GPATCH8: variants seen among roughly 807,000 people sequenced by gnomAD.
The protein encoded by GPATCH8 is G patch domain-containing protein 8.
In GPATCH8, 18 loss-of-function variants were observed where a neutral mutation model predicts 118.3. That is an observed-to-expected ratio of 0.15 (90% confidence interval 0.11 to 0.23). The LOEUF (loss-of-function observed/expected upper bound fraction) is 0.23, where lower values mean the gene tolerates loss of function less well. Ranked by LOEUF, GPATCH8 falls within the 10% of genes least tolerant of loss-of-function variation. The pLI is 1.00. For missense variants in GPATCH8, 1,631 were observed against 1,873.8 expected (o/e 0.87, Z 2.39); for synonymous variants, 659 against 684.7 (o/e 0.96, Z 0.59).
chr17:44,450,005 G>A (rs2051055563), intron 3 of GPATCH8, among the ~76,000 whole-genome samples: 1 of 152,134 alleles, frequency 6.6e-6, no homozygotes, highest in South Asian at 2.1e-4. Context: ...TCTATATACT[G>A]GAGAGAGAAA....
At chr17:44,429,649 A>AACACACACACACACAC (rs144232073) in intron 5 of GPATCH8, among the ~76,000 whole-genome samples, 8,463 of 125,466 alleles carry the variant, frequency 0.067, 433 homozygotes, top group Middle Eastern at 0.11. Flanking sequence ...GTCTCTACTA[A>AACACACACACACACAC]ACACACACAC....
chr17:44,395,408 C>A lies in GPATCH8; in HGVS notation c.*2160G>T, dbSNP rs935177722. The A allele has an allele frequency of 5.1e-5, 23 of 452,814 alleles. No individual in the cohort carries two copies. The highest frequency in any genetic ancestry group is 1.4e-3 in the Middle Eastern group (2 of 1,462). 28.0% of individuals were successfully genotyped at this position (452,814 alleles called of 1,614,324 possible). On this transcript the variant is annotated 3_prime_UTR_variant, in exon 8 of 8. Coordinates refer to ENST00000591680, the MANE Select transcript of GPATCH8 (RefSeq NM_001002909.4). ...TAAGTAAGGTTTATTTTTATTTTTA[C>A]TTTTAAAATCACTATTCTGGAAGTT...
chr17:44,403,262 G>C (rs1300394076), intron 7 of GPATCH8, among the ~76,000 whole-genome samples: 1 of 152,084 alleles, frequency 6.6e-6, no homozygotes, highest in Non-Finnish European at 1.5e-5. Context: ...TTTTAGTAGA[G>C]ATGGGCTTCA....
At position 44,414,115 on chromosome 17, in the gene GPATCH8, A is replaced by ATGTATATATATG. The variant is rs1474292221; in HGVS notation, c.493-8076_493-8065dup. On this transcript the variant is annotated intron_variant, in intron 6 of 7. Coordinates refer to ENST00000591680, the MANE Select transcript of GPATCH8 (RefSeq NM_001002909.4). ...TATATATATATGTGTGTATATATAT[A>ATGTATATATATG]TGTATATATATGTGTATATATATAT... Among the ~76,000 whole-genome samples, 6 of 83,444 alleles carry ATGTATATATATG rather than the reference A, an allele frequency of 7.2e-5. No individual in the cohort carries two copies. The South Asian group carries it at 1.8e-3, about 25-fold the overall frequency. 54.7% of individuals were successfully genotyped at this position (83,444 alleles called of 152,430 possible). A position where few individuals can be genotyped will look rare whatever the true frequency, so the allele number is the denominator to read the frequency against.
rs920436082 is a variant in GPATCH8, at chr17:44,396,482, C to T, written c.*1086G>A. 2.2e-6 allele frequency: 1 copy of T among 454,056 alleles called. No individual in the cohort carries two copies. The highest frequency in any genetic ancestry group is 2.0e-5 in the African/African-American group (1 of 49,942). 28.1% of individuals were successfully genotyped at this position (454,056 alleles called of 1,614,324 possible). On this transcript the variant is annotated 3_prime_UTR_variant, in exon 8 of 8. Coordinates refer to ENST00000591680, the MANE Select transcript of GPATCH8 (RefSeq NM_001002909.4). ...TTTGTCCCAGCAAAAAATGTTTTAA[C>T]ATTTTATAGTTCATAACTTCAAAAA...
Position 44,395,521 on chromosome 17 carries a change from C to G in GPATCH8, c.*2047G>C, listed in dbSNP as rs2048747924. The G allele has an allele frequency of 2.2e-6, 1 of 454,358 alleles. No homozygotes were observed. Among genetic ancestry groups the G allele is most frequent in the Non-Finnish European group, 4.4e-6 (1 of 226,806 alleles). The allele number at this position is 454,358 out of a possible 1,614,324, so 28.1% of individuals were successfully genotyped here. A position where few individuals can be genotyped will look rare whatever the true frequency, so the allele number is the denominator to read the frequency against. ...GGGAAGCAGCACGAAAATGTTAATA[C>G]TGTATTATTTATTTACATGGGCTGA... is the stretch of plus-strand genomic sequence containing the variant. On this transcript the variant is annotated 3_prime_UTR_variant, in exon 8 of 8. Transcript: ENST00000591680.
chr17:44,490,526 T>C (rs1037060554), intron 1 of GPATCH8, among the ~76,000 whole-genome samples: 2 of 152,144 alleles, frequency 1.3e-5, no homozygotes, highest in Non-Finnish European at 2.9e-5. Flanking sequence ...GGAACACTTA[T>C]TTCATTATCT....
intron 7 of GPATCH8, among the ~76,000 whole-genome samples, chr17:44,405,020 A>G (rs954929314): frequency 4.6e-5 from 7 of 152,198 alleles, no homozygotes; most frequent in Non-Finnish European, 1.0e-4. Flanking sequence ...AATACTATAT[A>G]GTTTCAAATA....
chr17:44,430,728 C>T (rs966501817), intron 5 of GPATCH8, among the ~76,000 whole-genome samples: 27 of 151,908 alleles, frequency 1.8e-4, no homozygotes, highest in African/African-American at 6.5e-4. Flanking sequence ...CTGCAACCTC[C>T]GCCTCCTGGG....
intron 3 of GPATCH8, among the ~76,000 whole-genome samples, chr17:44,462,845 G>A (rs763732786): frequency 6.6e-6 from 1 of 152,046 alleles, no homozygotes; most frequent in Non-Finnish European, 1.5e-5. Flanking sequence ...GCTGGGCGTG[G>A]TGGCAGGCGC....
intron 7 of GPATCH8, among the ~76,000 whole-genome samples, chr17:44,404,075 C>T (rs958286519): frequency 2.6e-5 from 4 of 152,114 alleles, no homozygotes; most frequent in Non-Finnish European, 4.4e-5. Context: ...AATACTTACA[C>T]TGTGTTATGA....
In GPATCH8 at chr17:44,396,174, A is replaced by T. The variant is rs1418794896; in HGVS notation, c.*1394T>A. ...AAAAAAAAATTGTCAGAGGGGGCTA[A>T]GTACTAGGAAGGCAAATGGACTGAC... On this transcript the variant is annotated 3_prime_UTR_variant, in exon 8 of 8. Coordinates refer to ENST00000591680, the MANE Select transcript of GPATCH8 (RefSeq NM_001002909.4). 2 of 454,426 alleles carry T rather than the reference A, an allele frequency of 4.4e-6. No individual in the cohort carries two copies. Among genetic ancestry groups the T allele is most frequent in the East Asian group, 1.4e-4 (2 of 14,408 alleles). 28.1% of individuals were successfully genotyped at this position (454,426 alleles called of 1,614,324 possible). A position where few individuals can be genotyped will look rare whatever the true frequency, so the allele number is the denominator to read the frequency against.
intron 1 of GPATCH8, 73 bp downstream of exon 1, chr17:44,503,253 G>T: frequency 7.6e-7 from 1 of 1,321,704 alleles, no homozygotes; most frequent in Non-Finnish European, 1.1e-6. Context: ...AAAGAGGGCT[G>T]GGAGCCGGAG....
rs762966533 is a variant in GPATCH8 at position 44,400,440 on chromosome 17, C to T, written c.1637G>A (p.Ser546Asn). The T allele has an allele frequency of 1.2e-6, 2 of 1,614,124 alleles. No individual in the cohort carries two copies. Among genetic ancestry groups the T allele is most frequent in the Non-Finnish European group, 8.5e-7 (1 of 1,179,972 alleles). Residue 546 changes from serine to asparagine, a missense_variant, in exon 8 of 8, where the codon AGC becomes AAC. Coordinates refer to ENST00000591680, the MANE Select transcript of GPATCH8 (RefSeq NM_001002909.4). Reference sequence around the variant, plus strand: ...TTCTGATGGCCACTGGAGGGCAGTGCTTTCATCTTTGCTCAAAACTGGGAA... The same window carrying T: ...TTCTGATGGCCACTGGAGGGCAGTGTTTTCATCTTTGCTCAAAACTGGGAA... ...PFFPVLSKDE[S>N]TALQWPSELL...
At chr17:44,440,061 C>T (rs1284308081) in intron 3 of GPATCH8, among the ~76,000 whole-genome samples, 5 of 152,010 alleles carry the variant, frequency 3.3e-5, no homozygotes, top group Non-Finnish European at 7.4e-5. Context: ...GAATTACAGG[C>T]GTGAACCACC....
intron 3 of GPATCH8, among the ~76,000 whole-genome samples, chr17:44,453,499 G>GTA (rs1568011414): frequency 9.2e-5 from 3 of 32,738 alleles, no homozygotes; most frequent in African/African-American, 2.2e-4. Flanking sequence ...AGGTAGGTAG[G>GTA]GGTGTGTGTG....
At chr17:44,415,107 T>C (rs1034697295) in intron 6 of GPATCH8, among the ~76,000 whole-genome samples, 1 of 152,242 alleles carries the variant, frequency 6.6e-6, no homozygotes, top group Non-Finnish European at 1.5e-5. Context: ...ATGGTAACTT[T>C]GTATTTAATG....
At chr17:44,401,544 T>TCA in intron 7 of GPATCH8, 91 bp from the exon 8 acceptor site, 1 of 853,636 alleles carries the variant, frequency 1.2e-6, no homozygotes, top group South Asian at 1.3e-5. Flanking sequence ...TTATATCCTA[T>TCA]CATTCATTAT....
chr17:44,452,698 T>C (rs537642245), intron 3 of GPATCH8, among the ~76,000 whole-genome samples: 1 of 152,302 alleles, frequency 6.6e-6, no homozygotes, highest in East Asian at 1.9e-4. Flanking sequence ...CTGGCTGGGA[T>C]AATGAAAAGA....
Sources: gnomAD v4.1 joint callset for allele counts (sites outside exome capture counted in the v4.1 genomes callset) on GRCh38, gnomAD v4.1.1 for gene constraint, MANE v1.5 for transcripts, NCBI Gene and HGNC (gene_info 2026-07-23, HGNC 2026-07-21) for gene names.